EPHA6: variants seen among roughly 807,000 people sequenced by gnomAD.
EPHA6 encodes EPH receptor A6.
Under a neutral mutation model 112.0 loss-of-function variants are expected in EPHA6, and 50 were observed. That is an observed-to-expected ratio of 0.45 (90% confidence interval 0.36 to 0.56). The LOEUF is 0.56. EPHA6 is among the 20% of genes least tolerant of loss of function. The pLI, the probability that EPHA6 is intolerant of heterozygous loss-of-function variation, is 0.00. For synonymous variants in EPHA6, 529 were observed against 490.7 expected, an observed-to-expected ratio of 1.08 and a Z score of -1.03; for missense variants, 1,280 against 1,417.4, an observed-to-expected ratio of 0.90 and a Z score of 1.56.
chr3:96,898,121 G>A (rs2038383222), intron 2 of EPHA6, among the ~76,000 whole-genome samples: 1 of 152,106 alleles, frequency 6.6e-6, no homozygotes. Context: ...TACTGAACAT[G>A]GAAAACACCT....
intron 1 of EPHA6, among the ~76,000 whole-genome samples, chr3:96,828,107 G>A (rs1283506818): frequency 6.6e-6 from 1 of 151,930 alleles, no homozygotes; most frequent in African/African-American, 2.4e-5. Context: ...AGAAATAAAA[G>A]TTCTCTGAGA....
intron 11 of EPHA6, among the ~76,000 whole-genome samples, chr3:97,567,193 A>G (rs2093277616): frequency 6.6e-6 from 1 of 152,216 alleles, no homozygotes; most frequent in Admixed American, 6.5e-5. Context: ...GCCTTGAGTA[A>G]GTTGCTAAGC....
chr3:97,137,908 A>G (rs974687819), intron 3 of EPHA6, among the ~76,000 whole-genome samples: 8 of 152,214 alleles, frequency 5.3e-5, no homozygotes, highest in African/African-American at 1.9e-4. Flanking sequence ...GAAGGGGTTC[A>G]AGATGACTGA....
chr3:97,208,908 C>T (rs1002975770), intron 3 of EPHA6, among the ~76,000 whole-genome samples: 1 of 151,968 alleles, frequency 6.6e-6, no homozygotes, highest in African/African-American at 2.4e-5. Context: ...AAGATGGATT[C>T]GATTAAAAAG....
At chr3:97,436,544 C>T (rs1349797883) in intron 6 of EPHA6, among the ~76,000 whole-genome samples, 1 of 152,114 alleles carries the variant, frequency 6.6e-6, no homozygotes, top group African/African-American at 2.4e-5. Flanking sequence ...ATTTCTGCTG[C>T]ATTTTCAATG....
At chr3:97,572,934 G>A (rs1005079295) in intron 11 of EPHA6, among the ~76,000 whole-genome samples, 6 of 152,090 alleles carry the variant, frequency 3.9e-5, no homozygotes, top group Admixed American at 6.6e-5. Context: ...GTCATGAGGC[G>A]GATTCATGTC....
intron 3 of EPHA6, among the ~76,000 whole-genome samples, chr3:97,105,093 C>T (rs555240829): frequency 1.3e-5 from 2 of 151,318 alleles, no homozygotes; most frequent in South Asian, 2.1e-4. Flanking sequence ...AAAAACTCCT[C>T]GATTTCTTTG....
At chr3:97,537,771 G>T (rs9830321) in intron 11 of EPHA6, among the ~76,000 whole-genome samples, 41,834 of 151,786 alleles carry the variant, frequency 0.28, 8,898 homozygotes, top group African/African-American at 0.59. Flanking sequence ...TAGAGACAGG[G>T]TTTCACCATG....
chr3:97,108,879 T>C (rs2047642362), intron 3 of EPHA6, among the ~76,000 whole-genome samples: 1 of 152,164 alleles, frequency 6.6e-6, no homozygotes, highest in Non-Finnish European at 1.5e-5. Context: ...GCAGTCAACA[T>C]TTACCATTCT....
At chr3:97,725,324 A>G (rs1428477986) in intron 15 of EPHA6, among the ~76,000 whole-genome samples, 1 of 152,070 alleles carries the variant, frequency 6.6e-6, no homozygotes, top group Non-Finnish European at 1.5e-5. Flanking sequence ...ACACTAAACA[A>G]AAACCATGCC....
chr3:97,436,008 G>T (rs939481781), intron 6 of EPHA6, among the ~76,000 whole-genome samples: 2 of 152,132 alleles, frequency 1.3e-5, no homozygotes, highest in Non-Finnish European at 2.9e-5. Flanking sequence ...TTATTACAAT[G>T]TATTTATTAG....
chr3:97,089,862 A>G (rs1014621008), intron 3 of EPHA6, among the ~76,000 whole-genome samples: 3 of 152,082 alleles, frequency 2.0e-5, no homozygotes, highest in African/African-American at 7.2e-5. Flanking sequence ...AGCTTTAAAA[A>G]CATGGAAAAC....
At chr3:97,666,055 T>A (rs1256257802) in intron 14 of EPHA6, among the ~76,000 whole-genome samples, 12 of 138,094 alleles carry the variant, frequency 8.7e-5, no homozygotes, top group African/African-American at 3.3e-4. Flanking sequence ...AGACTCCATC[T>A]CAAAAAAAAA....
At chr3:97,031,827 G>C (rs1350174419) in intron 3 of EPHA6, among the ~76,000 whole-genome samples, 1 of 152,094 alleles carries the variant, frequency 6.6e-6, no homozygotes, top group Non-Finnish European at 1.5e-5. Flanking sequence ...GGAGAAATAG[G>C]AACACTTTTA....
chr3:96,920,113 T>C (rs1256711013), intron 2 of EPHA6, among the ~76,000 whole-genome samples: 1 of 151,940 alleles, frequency 6.6e-6, no homozygotes, highest in Non-Finnish European at 1.5e-5. Flanking sequence ...AAGTCAATTT[T>C]ATGTTTTTCT....
intron 5 of EPHA6, among the ~76,000 whole-genome samples, chr3:97,374,391 G>C (rs377678510): frequency 2.0e-5 from 3 of 151,906 alleles, no homozygotes; most frequent in African/African-American, 7.3e-5. Flanking sequence ...CCTAGGCCCC[G>C]GTGGACTACA....
chr3:96,845,282 A>C (rs1029642084), intron 1 of EPHA6, among the ~76,000 whole-genome samples: 12 of 152,050 alleles, frequency 7.9e-5, no homozygotes, highest in African/African-American at 2.9e-4. Flanking sequence ...TAAGAATTCA[A>C]GGTGGAGCCT....
At chr3:96,949,997 AAAATT>A (rs2041457126) in intron 2 of EPHA6, among the ~76,000 whole-genome samples, 1 of 152,118 alleles carries the variant, frequency 6.6e-6, no homozygotes, top group Non-Finnish European at 1.5e-5. Flanking sequence ...ACTTTTCCTT[AAAATT>A]TATCCTTCTG....
chr3:97,093,574 C>T (rs535579893), intron 3 of EPHA6, among the ~76,000 whole-genome samples: 2 of 151,852 alleles, frequency 1.3e-5, no homozygotes, highest in African/African-American at 2.4e-5. Context: ...TAAAAATAAA[C>T]GGGATAATAC....
Sources: gnomAD v4.1 joint callset for allele counts (sites outside exome capture counted in the v4.1 genomes callset) on GRCh38, gnomAD v4.1.1 for gene constraint, MANE v1.5 for transcripts, NCBI Gene and HGNC (gene_info 2026-07-23, HGNC 2026-07-21) for gene names.